UBE2O: variants seen among roughly 807,000 people sequenced by gnomAD.
The protein encoded by UBE2O is (E3-independent) E2 ubiquitin-conjugating enzyme.
Under a neutral mutation model 125.8 loss-of-function variants are expected in UBE2O, and 15 were observed. The ratio of observed to expected loss-of-function variants is 0.12; its 90% confidence interval spans 0.08 to 0.18. UBE2O has a LOEUF of 0.18. Among genes scored for constraint, UBE2O ranks in the 10% least tolerant of loss-of-function variants. UBE2O has a pLI of 1.00. For synonymous variants in UBE2O, 708 were observed against 703.2 expected (o/e 1.01, Z -0.11); for missense variants, 1,280 against 1,723.6 (o/e 0.74, Z 4.56).
At position 76,442,960 on chromosome 17, in the gene UBE2O, T is replaced by C. The variant is rs183298130; in HGVS notation, c.417+9765A>G. ...GGCCTCTCAAAGAACTGATGACAAG[T>C]TAGAATGAGGGCCAAAGAAGGTAAA... On this transcript the variant is annotated intron_variant, in intron 1 of 17. Transcript: ENST00000319380. Among the ~76,000 whole-genome samples, 106 of 152,146 alleles carry C rather than the reference T, an allele frequency of 7.0e-4. 2 individuals carry two copies. The highest frequency in any genetic ancestry group is 8.8e-5 in the Non-Finnish European group (6 of 68,006).
intron 1 of UBE2O, among the ~76,000 whole-genome samples, chr17:76,414,952 G>C (rs1467898491): frequency 6.6e-6 from 1 of 152,158 alleles, no homozygotes; most frequent in East Asian, 1.9e-4. Context: ...GCATCTTTAG[G>C]AGAAGGCCGC....
chr17:76,395,608 G>A lies in UBE2O; in HGVS notation c.2946+117C>T. 1 of 1,287,640 alleles carries A rather than the reference G, an allele frequency of 7.8e-7. No homozygotes were observed. The highest frequency in any genetic ancestry group is 1.1e-6 in the Non-Finnish European group (1 of 936,974). The allele number at this position is 1,287,640 out of a possible 1,614,324, so 79.8% of individuals were successfully genotyped here. A position where few individuals can be genotyped will look rare whatever the true frequency, so the allele number is the denominator to read the frequency against. Reference sequence around the variant, plus strand: ...CCGCCCCTGTAAAAGGTGGGTGGGTGAGTGTCCTCGCAGGTGCCAGTCAGC... The same window carrying A: ...CCGCCCCTGTAAAAGGTGGGTGGGTAAGTGTCCTCGCAGGTGCCAGTCAGC... On this transcript the variant is annotated intron_variant, in intron 15 of 17. Transcript: ENST00000319380. The surrounding 1 kb of genome is among the most constrained non-coding windows in gnomAD (Gnocchi z 5.0).
chr17:76,413,443 C>T (rs1228199696), intron 1 of UBE2O, among the ~76,000 whole-genome samples: 2 of 151,632 alleles, frequency 1.3e-5, no homozygotes, highest in Admixed American at 6.6e-5. Context: ...ATGGTCAACA[C>T]TGGACAAAAA....
Position 76,391,887 on chromosome 17 carries a change from T to C in UBE2O, c.3150+23A>G. On this transcript the variant is annotated intron_variant, in intron 16 of 17. Coordinates refer to ENST00000319380, the MANE Select transcript of UBE2O (RefSeq NM_022066.4). This position sits in a 1 kb window ranked among gnomAD's most constrained non-coding sequence, Gnocchi z 8.4. ...CCAGTGGCTCTTCCTCCTTCTTGGC[T>C]GGGGGCCTGGCCCTATACTCACCTT... 6.2e-7 allele frequency: 1 copy of C among 1,613,692 alleles called. No individual in the cohort carries two copies. Among genetic ancestry groups the C allele is most frequent in the Non-Finnish European group, 8.5e-7 (1 of 1,179,824 alleles).
chr17:76,406,563 A>G (rs2072421654), intron 1 of UBE2O, among the ~76,000 whole-genome samples: 1 of 151,892 alleles, frequency 6.6e-6, no homozygotes, highest in South Asian at 2.1e-4. Context: ...AAATGCTGGC[A>G]ATGACAACTA....
rs532014526 is a variant in UBE2O, at chr17:76,393,360, G to A, written c.2947-1247C>T. ...GCTCACTGCAACCTCTGCCTCCCAGGTTCAAGCGATTCTCTGCTTCAGTCT... is the reference window on the plus strand; with the variant it reads ...GCTCACTGCAACCTCTGCCTCCCAGATTCAAGCGATTCTCTGCTTCAGTCT... On this transcript the variant is annotated intron_variant, in intron 15 of 17. Coordinates refer to ENST00000319380, the MANE Select transcript of UBE2O (RefSeq NM_022066.4). Among the ~76,000 whole-genome samples, 32 of 151,728 alleles carry A rather than the reference G, an allele frequency of 2.1e-4. No homozygotes were observed. The South Asian group carries it at 6.5e-3, about 31-fold the overall frequency.
intron 1 of UBE2O, among the ~76,000 whole-genome samples, chr17:76,429,648 T>C (rs185600073): frequency 2.0e-5 from 3 of 151,502 alleles, no homozygotes; most frequent in African/African-American, 4.8e-5. Context: ...CCACATTAGA[T>C]GGAGTAGAAA....
At chr17:76,401,284 A>C in intron 5 of UBE2O, 130 bp from the exon 6 acceptor site, 2 of 1,098,620 alleles carry the variant, frequency 1.8e-6, no homozygotes, top group East Asian at 5.2e-5. Flanking sequence ...ACACGCCCTA[A>C]AACAAGTCCT....
rs973577514 is a variant in UBE2O, at chr17:76,405,692, G to A, written c.418-120C>T. 4.5e-6 allele frequency: 4 copies of A among 887,712 alleles called. No homozygotes were observed. Among genetic ancestry groups the A allele is most frequent in the South Asian group, 3.1e-5 (2 of 64,152 alleles). 55.0% of individuals were successfully genotyped at this position (887,712 alleles called of 1,614,324 possible). On this transcript the variant is annotated intron_variant, in intron 1 of 17. Transcript: ENST00000319380. The surrounding 1 kb of genome is among the most constrained non-coding windows in gnomAD (Gnocchi z 6.1). The stretch of plus-strand genomic sequence containing the variant: ...ACTGCTAAGTGCACAAATCCTAAGC[G>A]TTTGGCTAGCAGTATCTTCACAGAC...
chr17:76,405,308 C>T lies in UBE2O; in HGVS notation c.486G>A (p.Gln162=), dbSNP rs201750774. 1 of 1,610,736 alleles carries T rather than the reference C, an allele frequency of 6.2e-7. No homozygotes were observed. Among genetic ancestry groups the T allele is most frequent in the East Asian group, 2.2e-5 (1 of 44,784 alleles). ...VVRHMRSTDS[Q]CGTVIDVNID... is the part of the protein sequence containing the mutation. ...TGTTGACGTCGATCACCGTGCCACA[C>T]TGACTGTCCTGGGGGAGGGAGGAGA... is the stretch of plus-strand genomic sequence containing the variant. The change falls in exon 3 of 18, where the codon CAG becomes CAA. Residue 162 remains glutamine (Q), a synonymous_variant. Transcript: ENST00000319380. The surrounding 1 kb of genome is among the most constrained non-coding windows in gnomAD (Gnocchi z 6.1).
rs2072246569 is a variant in UBE2O at position 76,398,008 on chromosome 17, C to G, written c.2026-120G>C. The G allele has an allele frequency of 8.6e-7, 1 of 1,168,640 alleles. No homozygotes were observed. Among genetic ancestry groups the G allele is most frequent in the Admixed American group, 2.0e-5 (1 of 49,806 alleles). 72.4% of individuals were successfully genotyped at this position (1,168,640 alleles called of 1,614,324 possible). A position where few individuals can be genotyped will look rare whatever the true frequency, so the allele number is the denominator to read the frequency against. ...TGGCTTGTGACAAGGAACTTAGCTC[C>G]TCTGGTAAATGTAACCAGCGGCAGC... is the stretch of plus-strand genomic sequence containing the variant. On this transcript the variant is annotated intron_variant, in intron 12 of 17. Coordinates refer to ENST00000319380, the MANE Select transcript of UBE2O (RefSeq NM_022066.4). This position sits in a 1 kb window ranked among gnomAD's most constrained non-coding sequence, Gnocchi z 5.4.
Position 76,432,292 on chromosome 17 carries a change from A to T in UBE2O, c.417+20433T>A, listed in dbSNP as rs183312783. 1.8e-3 allele frequency among the ~76,000 whole-genome samples: 276 copies of T among 152,330 alleles called. 1 individual carries two copies. Among genetic ancestry groups the T allele is most frequent in the Non-Finnish European group, 2.8e-3 (188 of 68,024 alleles). The stretch of plus-strand genomic sequence containing the variant: ...CAGTTATCAAAGTATGTTCCTGTCA[A>T]TCCACAAATATTTCATCATCCCACT... On this transcript the variant is annotated intron_variant, in intron 1 of 17. Coordinates refer to ENST00000319380, the MANE Select transcript of UBE2O (RefSeq NM_022066.4).
intron 15 of UBE2O, among the ~76,000 whole-genome samples, chr17:76,393,546 A>AAAAAC (rs1215588002): frequency 2.0e-5 from 3 of 152,118 alleles, no homozygotes; most frequent in Admixed American, 1.3e-4. Flanking sequence ...CCTGTCTTTT[A>AAAAAC]AAAACAAAAC....
chr17:76,450,283 A>C (rs188061665), intron 1 of UBE2O, among the ~76,000 whole-genome samples: 201 of 152,038 alleles, frequency 1.3e-3, no homozygotes, highest in Non-Finnish European at 2.6e-3. Flanking sequence ...CCACCCTACC[A>C]CCCTGCTTGG....
At position 76,399,972 on chromosome 17, in the gene UBE2O, C is replaced by A. The variant is rs377680283; in HGVS notation, c.1156-51G>T. The A allele has an allele frequency of 6.4e-7, 1 of 1,554,356 alleles. No homozygotes were observed. Among genetic ancestry groups the A allele is most frequent in the Admixed American group, 1.9e-5 (1 of 53,382 alleles). ...GGGCTGTGAGGTGCACCTGGGCAGG[C>A]CTGGCCCTAGGCATCTCAGGCTGGG... On this transcript the variant is annotated intron_variant, in intron 8 of 17. Transcript: ENST00000319380. The surrounding 1 kb of genome is among the most constrained non-coding windows in gnomAD (Gnocchi z 6.9).
Position 76,443,327 on chromosome 17 carries a change from C to T in UBE2O, c.417+9398G>A, listed in dbSNP as rs560163473. On this transcript the variant is annotated intron_variant, in intron 1 of 17. Coordinates refer to ENST00000319380, the MANE Select transcript of UBE2O (RefSeq NM_022066.4). ...TCCTCGAGAAAGAGTCTCACTCTGTCGCCCAGGCTGGAGTGCCGGGGCACG... is the reference window on the plus strand; with the variant it reads ...TCCTCGAGAAAGAGTCTCACTCTGTTGCCCAGGCTGGAGTGCCGGGGCACG... 6.0e-4 allele frequency among the ~76,000 whole-genome samples: 92 copies of T among 152,244 alleles called. 7 individuals carry two copies. The highest frequency in any genetic ancestry group is 2.4e-5 in the African/African-American group (1 of 41,550).
chr17:76,443,488 C>T lies in UBE2O; in HGVS notation c.417+9237G>A, dbSNP rs146300547. Among the ~76,000 whole-genome samples the T allele has an allele frequency of 4.3e-3, 647 of 152,176 alleles. 1 individual carries two copies. The highest frequency in any genetic ancestry group is 0.01 in the Middle Eastern group (3 of 294). On this transcript the variant is annotated intron_variant, in intron 1 of 17. Transcript: ENST00000319380. ...ATTTTTAGTAGAGATGGGGTTTCAC[C>T]ATGTTGGCCAGGCTGGTCTCGAACT...
chr17:76,404,911 CA>C lies in UBE2O; in HGVS notation c.588+294del. ...AATCATTAAAAAAATAAACTATTTC[CA>C]ATAATTTATTTTTTTAAAGAAATGT... On this transcript the variant is annotated intron_variant, in intron 3 of 17. Coordinates refer to ENST00000319380, the MANE Select transcript of UBE2O (RefSeq NM_022066.4). The surrounding 1 kb of genome is among the most constrained non-coding windows in gnomAD (Gnocchi z 4.3). 1.3e-5 allele frequency among the ~76,000 whole-genome samples: 2 copies of C among 151,842 alleles called. No individual in the cohort carries two copies. The highest frequency in any genetic ancestry group is 2.9e-5 in the Non-Finnish European group (2 of 67,948).
At chr17:76,419,410 GA>G (rs1320824856) in intron 1 of UBE2O, among the ~76,000 whole-genome samples, 2 of 150,814 alleles carry the variant, frequency 1.3e-5, no homozygotes, top group African/African-American at 4.9e-5. Flanking sequence ...GTGTAATGAA[GA>G]AAAAAATAGA....
Sources: gnomAD v4.1 joint callset for allele counts (sites outside exome capture counted in the v4.1 genomes callset) on GRCh38, gnomAD v4.1.1 for gene constraint, Gnocchi (gnomAD v3.1) non-coding constraint, MANE v1.5 for transcripts, NCBI Gene and HGNC (gene_info 2026-07-23, HGNC 2026-07-21) for gene names.